Variants in MAF observed in about 807,000 individuals in gnomAD.
The protein encoded by MAF is transcription factor Maf.
In MAF, 10 loss-of-function variants were observed where a neutral mutation model predicts 22.0. The observed-to-expected ratio is 0.45, with a 90% confidence interval of 0.28 to 0.77. The LOEUF (loss-of-function observed/expected upper bound fraction) is 0.77, where lower values mean the gene tolerates loss of function less well. Among genes scored for constraint, MAF ranks in the 30% least tolerant of loss-of-function variants. The probability of loss-of-function intolerance (pLI) is 0.12; values close to 1 mark genes in which losing one functional copy is unlikely to be tolerated. For synonymous variants in MAF, 337 were observed against 255.8 expected, an observed-to-expected ratio of 1.32 and a Z score of -3.03; for missense variants, 544 against 548.4, an observed-to-expected ratio of 0.99 and a Z score of 0.08.
At chr16:79,486,356 G>C in the MAF span, among the ~76,000 whole-genome samples, 1 of 152,154 alleles carries the variant, frequency 6.6e-6, no homozygotes, top group African/African-American at 2.4e-5. Flanking sequence ...TTTTGAAAGT[G>C]ATCTTAGATT....
chr16:79,593,182 A>C (rs1308121821), downstream of MAF, among the ~76,000 whole-genome samples: 2 of 152,204 alleles, frequency 1.3e-5, no homozygotes, highest in Non-Finnish European at 2.9e-5. Flanking sequence ...GGAGGAGTGT[A>C]TTTCGTAAAG....
At chr16:79,228,910 C>G in the MAF span, among the ~76,000 whole-genome samples, 1 of 151,844 alleles carries the variant, frequency 6.6e-6, no homozygotes, top group Admixed American at 6.6e-5. Flanking sequence ...CTCCCTCCAG[C>G]AACATCAGCC....
the MAF span, chr16:79,516,253 G>A: frequency 2.0e-5 from 3 of 152,100 alleles, no homozygotes; most frequent in African/African-American, 7.2e-5. Flanking sequence ...TTTTTACAAT[G>A]TTACTGAATG....
downstream of MAF, chr16:79,585,790 C>A: frequency 1.7e-6 from 1 of 587,798 alleles, no homozygotes; most frequent in South Asian, 2.2e-5. Context: ...TCCTTGTTTG[C>A]TTCCTTGCTT....
the MAF span, among the ~76,000 whole-genome samples, chr16:79,405,979 T>A: frequency 6.6e-6 from 1 of 152,314 alleles, no homozygotes; most frequent in East Asian, 1.9e-4. Context: ...AAGCCCACTC[T>A]GTTCATGGGT....
At chr16:79,218,371 C>A in the MAF span, among the ~76,000 whole-genome samples, 1 of 152,178 alleles carries the variant, frequency 6.6e-6, no homozygotes, top group Admixed American at 6.5e-5. Flanking sequence ...TTTCTAGTTT[C>A]TGTTAGAACT....
At chr16:79,258,330 C>A in the MAF span, among the ~76,000 whole-genome samples, 1 of 152,220 alleles carries the variant, frequency 6.6e-6, no homozygotes, top group Non-Finnish European at 1.5e-5. Context: ...CAGTCACCTG[C>A]TCCATGGGGA....
At chr16:79,316,283 T>G in the MAF span, among the ~76,000 whole-genome samples, 1 of 152,152 alleles carries the variant, frequency 6.6e-6, no homozygotes, top group Admixed American at 6.5e-5. Context: ...CTCACCACAC[T>G]CCGTTTCCAG....
the MAF span, among the ~76,000 whole-genome samples, chr16:79,542,352 T>C: frequency 3.3e-4 from 50 of 152,230 alleles, no homozygotes; most frequent in African/African-American, 1.2e-3. Context: ...TGGTGCGTGT[T>C]ATTTTTGGAC....
At chr16:79,212,013 G>C in the MAF span, 26 of 1,536,154 alleles carry the variant, frequency 1.7e-5, no homozygotes, top group Non-Finnish European at 2.2e-5. Context: ...GCTAGGCATA[G>C]GTCTCTTTGC....
chr16:79,572,507 G>A, the MAF span, among the ~76,000 whole-genome samples: 1 of 152,152 alleles, frequency 6.6e-6, no homozygotes, highest in Non-Finnish European at 1.5e-5. Context: ...CTGGTGGAGA[G>A]CTCAGAGCAA....
At chr16:79,544,787 A>AC in the MAF span, among the ~76,000 whole-genome samples, 1 of 151,862 alleles carries the variant, frequency 6.6e-6, no homozygotes, top group East Asian at 1.9e-4. Flanking sequence ...AAAAAAAAAA[A>AC]AAATGTCAGT....
the MAF span, among the ~76,000 whole-genome samples, chr16:79,496,158 G>T: frequency 6.6e-6 from 1 of 152,158 alleles, no homozygotes; most frequent in Non-Finnish European, 1.5e-5. Context: ...AAGTGTAGGA[G>T]TATTTGTTAT....
At chr16:79,598,609 T>G (rs1246970647) in intron 1 of MAF, 176 bp downstream of exon 1, 1 of 1,433,110 alleles carries the variant, frequency 7.0e-7, no homozygotes, top group African/African-American at 1.6e-5. Flanking sequence ...TGTGTGTGTG[T>G]GGTGTGTGCG....
At chr16:79,372,262 C>G in the MAF span, among the ~76,000 whole-genome samples, 4 of 152,000 alleles carry the variant, frequency 2.6e-5, no homozygotes, top group Non-Finnish European at 4.4e-5. Context: ...GATGGGGGAA[C>G]TTGCTCAGAG....
chr16:79,255,204 T>C, the MAF span, among the ~76,000 whole-genome samples: 2 of 152,218 alleles, frequency 1.3e-5, no homozygotes, highest in African/African-American at 2.4e-5. Context: ...TTTGACTGAC[T>C]TCTGAAAAAG....
At chr16:79,226,633 G>C in the MAF span, among the ~76,000 whole-genome samples, 2 of 151,924 alleles carry the variant, frequency 1.3e-5, no homozygotes, top group African/African-American at 2.4e-5. Flanking sequence ...TCATGACTTT[G>C]TACCTACAAA....
At chr16:79,557,230 G>C in the MAF span, among the ~76,000 whole-genome samples, 1 of 151,896 alleles carries the variant, frequency 6.6e-6, no homozygotes, top group African/African-American at 2.4e-5. Context: ...CTGGGGGAGA[G>C]CTAAGAAAGA....
At chr16:79,337,146 C>T in the MAF span, among the ~76,000 whole-genome samples, 7 of 152,140 alleles carry the variant, frequency 4.6e-5, no homozygotes, top group Non-Finnish European at 7.3e-5. Flanking sequence ...TTTGTTAAGA[C>T]GAGTGAGTGG....
Sources: allele counts gnomAD v4.1 joint callset (sites outside exome capture counted in the v4.1 genomes callset), GRCh38; gene constraint gnomAD v4.1.1; transcripts MANE v1.5; gene names NCBI Gene and HGNC (gene_info 2026-07-23, HGNC 2026-07-21).